Variants in C7orf78 observed in about 807,000 individuals in gnomAD.
The protein encoded by C7orf78 is putative uncharacterized protein C7orf78.
At chr7:12,486,056 C>T in the C7orf78 span, among the ~76,000 whole-genome samples, 1 of 152,078 alleles carries the variant, frequency 6.6e-6, no homozygotes, top group Non-Finnish European at 1.5e-5. Context: ...AATATCAAAA[C>T]TAAATTTTCA....
At chr7:12,510,189 T>C in the C7orf78 span, among the ~76,000 whole-genome samples, 8 of 148,974 alleles carry the variant, frequency 5.4e-5, no homozygotes, top group East Asian at 2.0e-4. Context: ...GTGGGGGGGT[T>C]TCTTGAGACA....
the C7orf78 span, among the ~76,000 whole-genome samples, chr7:12,509,478 A>T: frequency 6.6e-6 from 1 of 152,358 alleles, no homozygotes; most frequent in Non-Finnish European, 1.5e-5. Flanking sequence ...AAGGGTCAAC[A>T]TGTAAACTTG....
the C7orf78 span, among the ~76,000 whole-genome samples, chr7:12,489,890 A>G: frequency 6.6e-6 from 1 of 152,146 alleles, no homozygotes; most frequent in Admixed American, 6.5e-5. Context: ...TTTGCTTTCA[A>G]TAGCTAGTGG....
the C7orf78 span, chr7:12,504,487 A>G: frequency 6.6e-6 from 1 of 152,206 alleles, no homozygotes; most frequent in South Asian, 2.1e-4. Context: ...TTGGCTTTAC[A>G]GAAAAGATTT....
chr7:12,508,585 G>C, the C7orf78 span, among the ~76,000 whole-genome samples: 1 of 152,080 alleles, frequency 6.6e-6, no homozygotes, highest in Non-Finnish European at 1.5e-5. Context: ...TTTGTATATT[G>C]GCATGTATGG....
chr7:12,486,078 T>G, the C7orf78 span, among the ~76,000 whole-genome samples: 1 of 152,260 alleles, frequency 6.6e-6, no homozygotes, highest in Non-Finnish European at 1.5e-5. Context: ...GTTTTTCTTC[T>G]ACACATTTGT....
the C7orf78 span, chr7:12,538,357 A>T: frequency 1.3e-5 from 2 of 152,078 alleles, no homozygotes; most frequent in Non-Finnish European, 2.9e-5. Context: ...CTCTTTCTGC[A>T]CCTGTCTCAA....
the C7orf78 span, chr7:12,541,092 A>G: frequency 1.3e-5 from 2 of 152,240 alleles, no homozygotes; most frequent in South Asian, 4.1e-4. Flanking sequence ...TGAAAGTTGC[A>G]TAATTTGAAA....
chr7:12,515,282 G>A, the C7orf78 span, among the ~76,000 whole-genome samples: 4 of 152,144 alleles, frequency 2.6e-5, no homozygotes, highest in African/African-American at 4.8e-5. Context: ...TAAGTCTCAC[G>A]AGATATGATG....
chr7:12,525,813 T>C, the C7orf78 span: 24 of 396,976 alleles, frequency 6.0e-5, no homozygotes, highest in East Asian at 8.3e-4. Context: ...TTCCTTTACA[T>C]ATCTAGTACC....
the C7orf78 span, among the ~76,000 whole-genome samples, chr7:12,498,925 A>G: frequency 4.6e-5 from 7 of 151,932 alleles, no homozygotes; most frequent in Admixed American, 6.6e-5. Flanking sequence ...GTGGGGGCCA[A>G]TATTCAACAT....
At chr7:12,493,650 G>A in the C7orf78 span, among the ~76,000 whole-genome samples, 1 of 152,218 alleles carries the variant, frequency 6.6e-6, no homozygotes, top group South Asian at 2.1e-4. Flanking sequence ...AACTGGATGG[G>A]TTTGCCTCCT....
the C7orf78 span, among the ~76,000 whole-genome samples, chr7:12,499,406 C>G: frequency 6.7e-6 from 1 of 150,334 alleles, no homozygotes; most frequent in African/African-American, 2.4e-5. Flanking sequence ...AAATGGAAAA[C>G]AAAAAAAGGC....
At chr7:12,505,956 ATC>A in the C7orf78 span, 1 of 152,306 alleles carries the variant, frequency 6.6e-6, no homozygotes, top group Admixed American at 6.5e-5. Flanking sequence ...AAAATAAGGT[ATC>A]ATAGAGAAGT....
the C7orf78 span, among the ~76,000 whole-genome samples, chr7:12,512,804 T>G: frequency 6.6e-6 from 1 of 152,162 alleles, no homozygotes; most frequent in Non-Finnish European, 1.5e-5. Context: ...TCCATCAGTC[T>G]TTGTATTTTC....
chr7:12,504,008 G>T, the C7orf78 span, among the ~76,000 whole-genome samples: 1 of 152,134 alleles, frequency 6.6e-6, no homozygotes, highest in African/African-American at 2.4e-5. Context: ...AGATTAGAAA[G>T]AACTTGTAAT....
the C7orf78 span, among the ~76,000 whole-genome samples, chr7:12,534,487 C>A: frequency 2.0e-5 from 3 of 152,100 alleles, no homozygotes; most frequent in Non-Finnish European, 2.9e-5. Flanking sequence ...GAATGTTCTA[C>A]TTGAAACATT....
the C7orf78 span, among the ~76,000 whole-genome samples, chr7:12,504,076 A>C: frequency 2.4e-4 from 37 of 152,342 alleles, 2 homozygotes; most frequent in South Asian, 7.2e-3. Context: ...CTTAAGCCCA[A>C]GGTGAAAACT....
chr7:12,498,410 C>T, the C7orf78 span, among the ~76,000 whole-genome samples: 4 of 150,760 alleles, frequency 2.7e-5, no homozygotes, highest in African/African-American at 9.7e-5. Flanking sequence ...GAGCTGAAAA[C>T]CAAGGCTCGA....
Sources: gnomAD v4.1 joint callset for allele counts (sites outside exome capture counted in the v4.1 genomes callset) on GRCh38, gnomAD v4.1.1 for gene constraint, MANE v1.5 for transcripts, NCBI Gene and HGNC (gene_info 2026-07-23, HGNC 2026-07-21) for gene names.